The following CDH13 variants were observed in gnomAD, a reference collection of about 807,000 sequenced individuals.
CDH13 encodes the protein cadherin-13.
Under a neutral mutation model 63.8 loss-of-function variants are expected in CDH13, and 24 were observed. The ratio of observed to expected loss-of-function variants is 0.38; its 90% CI spans 0.27 to 0.53. CDH13 has a LOEUF of 0.53. Among genes scored for constraint, CDH13 ranks in the 20% least tolerant of loss-of-function variants. CDH13 has a pLI of 0.85. For missense variants in CDH13, 1,049 were observed against 903.1 expected, an observed-to-expected ratio of 1.16 and a Z score of -2.07; for synonymous variants, 503 against 355.3, an observed-to-expected ratio of 1.42 and a Z score of -4.67.
intron 6 of CDH13, among the ~76,000 whole-genome samples, chr16:83,372,480 G>A (rs552031031): frequency 6.6e-6 from 1 of 152,206 alleles, no homozygotes; most frequent in Admixed American, 6.5e-5. Flanking sequence ...AGGGTCGGGT[G>A]CGGTGGCTCA....
chr16:82,984,004 G>A (rs1239531370), intron 2 of CDH13, among the ~76,000 whole-genome samples: 1 of 152,186 alleles, frequency 6.6e-6, no homozygotes, highest in Non-Finnish European at 1.5e-5. Flanking sequence ...CCGTGGGTGG[G>A]AAGCTGGACT....
At chr16:83,226,412 G>A (rs1224720298) in intron 5 of CDH13, among the ~76,000 whole-genome samples, 1 of 152,182 alleles carries the variant, frequency 6.6e-6, no homozygotes, top group Non-Finnish European at 1.5e-5. Flanking sequence ...CTCCTCAGAA[G>A]AGGTTCAACT....
chr16:83,687,934 TC>T (rs1904477232), intron 10 of CDH13, among the ~76,000 whole-genome samples: 1 of 152,248 alleles, frequency 6.6e-6, no homozygotes, highest in Non-Finnish European at 1.5e-5. Flanking sequence ...TGTCCTGATT[TC>T]TTTGGGGCTC....
intron 3 of CDH13, among the ~76,000 whole-genome samples, chr16:83,042,071 CTGTT>C (rs1269260578): frequency 1.3e-5 from 2 of 152,208 alleles, no homozygotes; most frequent in Non-Finnish European, 2.9e-5. Context: ...TTTGAATCCT[CTGTT>C]TGTTTTGGCC....
chr16:83,620,041 A>G (rs1268222656), intron 8 of CDH13, among the ~76,000 whole-genome samples: 1 of 151,792 alleles, frequency 6.6e-6, no homozygotes, highest in Non-Finnish European at 1.5e-5. Context: ...CACCCACAAG[A>G]CGAGGAGGCT....
chr16:83,349,079 G>T (rs1196328222), intron 6 of CDH13, among the ~76,000 whole-genome samples: 1 of 152,194 alleles, frequency 6.6e-6, no homozygotes, highest in Non-Finnish European at 1.5e-5. Flanking sequence ...CATTCCGGCT[G>T]CTCAGCACTG....
At chr16:83,693,172 C>T (rs1045732421) in intron 10 of CDH13, among the ~76,000 whole-genome samples, 4 of 152,188 alleles carry the variant, frequency 2.6e-5, no homozygotes, top group Admixed American at 2.0e-4. Flanking sequence ...CCCACTTGTC[C>T]ATCTTCCAGA....
intron 7 of CDH13, among the ~76,000 whole-genome samples, chr16:83,504,103 C>G (rs1312348180): frequency 6.6e-6 from 1 of 152,024 alleles, no homozygotes; most frequent in Non-Finnish European, 1.5e-5. Flanking sequence ...CATATGTATC[C>G]CAGAAGTTAA....
intron 10 of CDH13, chr16:83,725,356 T>C (rs1338932459): frequency 6.6e-6 from 1 of 152,260 alleles, no homozygotes; most frequent in Non-Finnish European, 1.5e-5. Context: ...CTGGGAAACA[T>C]GAGTTCCGTC....
At chr16:82,791,214 G>C (rs2036281211) in intron 1 of CDH13, among the ~76,000 whole-genome samples, 1 of 146,662 alleles carries the variant, frequency 6.8e-6, no homozygotes, top group Non-Finnish European at 1.5e-5. Flanking sequence ...TCCAGCCTGG[G>C]CGACAAAGCG....
chr16:83,032,108 A>G lies in CDH13; in HGVS notation c.256A>G (p.Asn86Asp). 6.2e-7 allele frequency: 1 copy of G among 1,613,456 alleles called. No homozygotes were observed. The highest frequency in any genetic ancestry group is 8.5e-7 in the Non-Finnish European group (1 of 1,179,726). ...NSDGGLVALR[N>D]ITAVGKTLFV... ...CGATGGCGGCTTAGTTGCTCTGAGA[A>G]ACATAACTGCAGTGGGCAAAACTCT... The change falls in exon 3 of 14, where the codon AAC becomes GAC. Residue 86 changes from asparagine (N) to aspartate (D), a missense_variant. By Grantham distance (23) the Asn-to-Asp change is conservative. Coordinates refer to ENST00000567109, the MANE Select transcript of CDH13 (RefSeq NM_001257.5).
At chr16:82,975,376 G>A (rs1241855939) in intron 2 of CDH13, among the ~76,000 whole-genome samples, 1 of 152,286 alleles carries the variant, frequency 6.6e-6, no homozygotes, top group Admixed American at 6.5e-5. Flanking sequence ...GGCAGTGTGG[G>A]GTCACAGTCG....
chr16:82,631,473 G>A (rs1024941120), intron 1 of CDH13, among the ~76,000 whole-genome samples: 1 of 152,178 alleles, frequency 6.6e-6, no homozygotes, highest in Admixed American at 6.5e-5. Context: ...TAATCAGCTG[G>A]ACAGAATCAA....
chr16:83,146,796 C>G (rs555235607), intron 4 of CDH13, among the ~76,000 whole-genome samples: 5 of 152,244 alleles, frequency 3.3e-5, no homozygotes, highest in Non-Finnish European at 7.4e-5. Context: ...TTTAAAAAGG[C>G]CAGGGATGGG....
intron 1 of CDH13, among the ~76,000 whole-genome samples, chr16:82,850,511 TGAAAA>T (rs1278977187): frequency 6.6e-6 from 1 of 152,204 alleles, no homozygotes; most frequent in African/African-American, 2.4e-5. Flanking sequence ...TAAACATTGT[TGAAAA>T]GACAATAAAG....
intron 11 of CDH13, among the ~76,000 whole-genome samples, chr16:83,778,346 G>A (rs1239766047): frequency 1.3e-5 from 2 of 152,152 alleles, no homozygotes. Flanking sequence ...ACTGACCAAC[G>A]TGGTGAAATC....
intron 2 of CDH13, among the ~76,000 whole-genome samples, chr16:82,982,043 C>G (rs1156670404): frequency 6.6e-6 from 1 of 152,242 alleles, no homozygotes; most frequent in Non-Finnish European, 1.5e-5. Flanking sequence ...GTATATGAAG[C>G]CATATTTCCC....
At chr16:83,755,243 T>G (rs1036353182) in intron 11 of CDH13, among the ~76,000 whole-genome samples, 1 of 152,160 alleles carries the variant, frequency 6.6e-6, no homozygotes, top group African/African-American at 2.4e-5. Context: ...ACAGGATTTT[T>G]AACCTGGAAT....
chr16:83,735,058 A>C (rs926906947), intron 10 of CDH13, among the ~76,000 whole-genome samples: 1 of 151,506 alleles, frequency 6.6e-6, no homozygotes, highest in African/African-American at 2.4e-5. Context: ...TTTATTTTGG[A>C]GAAAAAAATG....
Sources: gnomAD v4.1 joint callset for allele counts (sites outside exome capture counted in the v4.1 genomes callset) on GRCh38, gnomAD v4.1.1 for gene constraint, MANE v1.5 for transcripts, NCBI Gene and HGNC (gene_info 2026-07-23, HGNC 2026-07-21) for gene names.